The following PHF2 variants were observed in gnomAD, a reference collection of about 807,000 sequenced individuals.
PHF2 encodes PHD finger protein 2, also known as lysine-specific demethylase PHF2.
Under a neutral mutation model 120.5 loss-of-function variants are expected in PHF2, and 27 were observed. That is an observed-to-expected ratio of 0.22 (90% CI 0.17 to 0.31). PHF2 has a LOEUF of 0.31. Among genes scored for constraint, PHF2 ranks in the 10% least tolerant of loss-of-function variants. The probability of loss-of-function intolerance (pLI) is 1.00; values close to 1 mark genes in which losing one functional copy is unlikely to be tolerated. For missense variants in PHF2, 1,024 were observed against 1,434.8 expected, an observed-to-expected ratio of 0.71 and a Z score of 4.63; for synonymous variants, 568 against 592.5, an observed-to-expected ratio of 0.96 and a Z score of 0.60.
rs1340688707 is a variant in PHF2, at chr9:93,671,952, GAGT to G, written c.2349-1630_2349-1628del. 1.2e-4 allele frequency among the ~76,000 whole-genome samples: 14 copies of G among 115,966 alleles called. 1 individual carries two copies. Among genetic ancestry groups the G allele is most frequent in the Admixed American group, 9.4e-4 (11 of 11,726 alleles). 76.1% of individuals were successfully genotyped at this position (115,966 alleles called of 152,430 possible). A position where few individuals can be genotyped will look rare whatever the true frequency, so the allele number is the denominator to read the frequency against. The stretch of plus-strand genomic sequence containing the variant: ...GGTGTAGATGCAGATGTGGGTGTGG[GAGT>G]AGGGTCAGGTGTAGATGCAGATGTG... On this transcript the variant is annotated intron_variant, in intron 17 of 21. Coordinates refer to ENST00000359246, the MANE Select transcript of PHF2 (RefSeq NM_005392.4).
intron 18 of PHF2, among the ~76,000 whole-genome samples, chr9:93,674,509 G>A (rs1826871953): frequency 6.6e-6 from 1 of 152,186 alleles, no homozygotes; most frequent in African/African-American, 2.4e-5. Context: ...GCCCTAGTTT[G>A]ATTATGGGGT....
intron 1 of PHF2, among the ~76,000 whole-genome samples, chr9:93,583,725 C>T (rs78792144): frequency 0.072 from 10,887 of 152,180 alleles, 515 homozygotes; most frequent in Non-Finnish European, 0.097. Context: ...AATGTCTACT[C>T]AAGGCCTTTG....
chr9:93,587,939 C>T (rs1341597646), intron 1 of PHF2, among the ~76,000 whole-genome samples: 3 of 152,182 alleles, frequency 2.0e-5, no homozygotes, highest in African/African-American at 7.2e-5. Context: ...GTCTGTGCCA[C>T]CTGCCCACTG....
intron 3 of PHF2, among the ~76,000 whole-genome samples, chr9:93,643,088 A>G (rs944795718): frequency 6.6e-6 from 1 of 151,510 alleles, no homozygotes; most frequent in Non-Finnish European, 1.5e-5. Flanking sequence ...TGGTGTGTCT[A>G]TTGACTGACC....
intron 3 of PHF2, among the ~76,000 whole-genome samples, chr9:93,642,718 TAAGCCTCTTTA>T (rs1052314068): frequency 6.6e-6 from 1 of 152,242 alleles, no homozygotes; most frequent in African/African-American, 2.4e-5. Context: ...TAGAACCCAG[TAAGCCTCTTTA>T]ATTTGGAGAG....
In PHF2 at chr9:93,645,645, G is replaced by A. The variant is rs1291685152; in HGVS notation, c.316G>A (p.Ala106Thr). Reference sequence around the variant, plus strand: ...TCCCTGCAGTGCTGAAGACGTGGTGGCCCGTGTGCCAGGAAGTCAGCTCAC... The same window carrying A: ...TCCCTGCAGTGCTGAAGACGTGGTGACCCGTGTGCCAGGAAGTCAGCTCAC... ...RTFPSAEDVV[A>T]RVPGSQLTLG... The change falls in exon 4 of 22, where the codon GCC (alanine) becomes ACC (threonine). Residue 106 changes from alanine to threonine, a missense_variant. Physicochemically the swap from Ala to Thr is moderately conservative, Grantham distance 58 (BLOSUM62 0). Transcript: ENST00000359246. 6.2e-7 allele frequency: 1 copy of A among 1,602,734 alleles called. No individual in the cohort carries two copies. The highest frequency in any genetic ancestry group is 1.1e-5 in the South Asian group (1 of 89,836).
Position 93,649,176 on chromosome 9 carries a change from T to C in PHF2, c.566T>C (p.Val189Ala), listed in dbSNP as rs1826313532. The C allele has an allele frequency of 6.5e-7, 1 of 1,537,644 alleles. No homozygotes were observed. Residue 189 changes from valine (V) to alanine (A), a missense_variant, in exon 5 of 22, where the codon GTC (valine) becomes GCC (alanine). By Grantham distance (64) the Val-to-Ala change is moderately conservative (BLOSUM62 0). Transcript: ENST00000359246. The part of the protein sequence containing the change: ...DYYYSTNRKR[V>A]LNVTNLEFSD... ...TACTACAGCACCAACCGCAAGCGGG[T>C]CCTCAACGTCACCAACCTCGAGTTC... is the stretch of plus-strand genomic sequence containing the variant.
chr9:93,596,823 A>G (rs1487218882), intron 1 of PHF2, among the ~76,000 whole-genome samples: 1 of 151,280 alleles, frequency 6.6e-6, no homozygotes, highest in Non-Finnish European at 1.5e-5. Flanking sequence ...CAATGGTGCA[A>G]TCTTGGCTTA....
At chr9:93,637,024 G>A (rs886642981) in intron 3 of PHF2, among the ~76,000 whole-genome samples, 1 of 152,264 alleles carries the variant, frequency 6.6e-6, no homozygotes, top group African/African-American at 2.4e-5. Context: ...GGTGAGAAAG[G>A]AGCTGTTTAG....
At position 93,660,541 on chromosome 9, in the gene PHF2, A is replaced by G. The variant is rs1330741192; in HGVS notation, c.1679A>G (p.Glu560Gly). The change falls in exon 12 of 22, where the codon GAG becomes GGG. Residue 560 changes from glutamate (E) to glycine (G), a missense_variant. By Grantham distance (98) the Glu-to-Gly change is moderately conservative. This residue lies in a region of PHF2 where 677 missense variants were observed against 857.4 expected (regional missense o/e 0.79). Coordinates refer to ENST00000359246, the MANE Select transcript of PHF2 (RefSeq NM_005392.4). ...AHTKEALTKM[E>G]PPKKGKATKS... is the part of the protein sequence containing the mutation. Reference sequence around the variant, plus strand: ...ACCAAGGAGGCACTGACCAAGATGGAGCCGCCCAAGAAGGGCAAGGTGGGA... The same window carrying G: ...ACCAAGGAGGCACTGACCAAGATGGGGCCGCCCAAGAAGGGCAAGGTGGGA... 2 of 1,572,790 alleles carry G rather than the reference A, an allele frequency of 1.3e-6. No homozygotes were observed. Among genetic ancestry groups the G allele is most frequent in the Non-Finnish European group, 1.7e-6 (2 of 1,163,458 alleles).
intron 3 of PHF2, among the ~76,000 whole-genome samples, chr9:93,643,906 C>T (rs1826210400): frequency 1.3e-5 from 2 of 152,132 alleles, no homozygotes; most frequent in South Asian, 2.1e-4. Flanking sequence ...CCTGTTCCCT[C>T]CCACTTTCTC....
Position 93,676,716 on chromosome 9 carries a change from T to TACCACCCCGGCCTCC in PHF2, c.2975_2989dup (p.Thr992_Thr996dup), listed in dbSNP as rs761002352. The TACCACCCCGGCCTCC allele has an allele frequency of 4.3e-5, 22 of 515,932 alleles. No individual in the cohort carries two copies. The highest frequency in any genetic ancestry group is 1.9e-4 in the East Asian group (5 of 25,790). 32.0% of individuals were successfully genotyped at this position (515,932 alleles called of 1,614,324 possible). On this transcript the variant is annotated inframe_insertion, in exon 21 of 22. Transcript: ENST00000359246. Reference sequence around the variant, plus strand: ...CCTCCACCTCCACCACGCCAGCCTCTACCACCCCGGCCTCCACCACCCCGG... The same window carrying TACCACCCCGGCCTCC: ...CCTCCACCTCCACCACGCCAGCCTCTACCACCCCGGCCTCCACCACCCCGGCCTCCACCACCCCGG...
chr9:93,661,846 T>TGATGAATAAATGGATGGATG (rs1826573121), intron 12 of PHF2, among the ~76,000 whole-genome samples: 1 of 144,512 alleles, frequency 6.9e-6, no homozygotes, highest in South Asian at 2.2e-4. Context: ...ATGGATGGAT[T>TGATGAATAAATGGATGGATG]GATGAATAAA....
chr9:93,676,988 T>C, intron 21 of PHF2, 25 bp downstream of exon 21: 1 of 1,502,212 alleles, frequency 6.7e-7, no homozygotes, highest in Non-Finnish European at 8.9e-7. Flanking sequence ...GGAGGGAGCC[T>C]GCAGCCCCCC....
At chr9:93,626,634 C>T (rs1825919348) in intron 1 of PHF2, among the ~76,000 whole-genome samples, 1 of 152,166 alleles carries the variant, frequency 6.6e-6, no homozygotes, top group South Asian at 2.1e-4. Context: ...CTTTTGGTGT[C>T]ATATCTAGGA....
At chr9:93,596,182 C>G (rs1044539796) in intron 1 of PHF2, among the ~76,000 whole-genome samples, 1 of 152,158 alleles carries the variant, frequency 6.6e-6, no homozygotes, top group African/African-American at 2.4e-5. Flanking sequence ...GCATGATACT[C>G]TGCACAGCTG....
rs1037199497 is a variant in PHF2, at chr9:93,671,658, G to C, written c.2349-1927G>C. Among the ~76,000 whole-genome samples, 6 of 142,770 alleles carry C rather than the reference G, an allele frequency of 4.2e-5. 1 individual carries two copies. Among genetic ancestry groups the C allele is most frequent in the Non-Finnish European group, 7.8e-5 (5 of 64,218 alleles). 93.7% of individuals were successfully genotyped at this position (142,770 alleles called of 152,430 possible). A position where few individuals can be genotyped will look rare whatever the true frequency, so the allele number is the denominator to read the frequency against. On this transcript the variant is annotated intron_variant, in intron 17 of 21. Coordinates refer to ENST00000359246, the MANE Select transcript of PHF2 (RefSeq NM_005392.4). ...GGTACAGGTGTAGATGCAGTTGTGGGTGTGGATGTAGGTACAGGTGTAGAT... is the reference window on the plus strand; with the variant it reads ...GGTACAGGTGTAGATGCAGTTGTGGCTGTGGATGTAGGTACAGGTGTAGAT...
intron 9 of PHF2, among the ~76,000 whole-genome samples, chr9:93,657,228 GGTTGCTCTTA>G (rs1416149658): frequency 6.6e-6 from 1 of 152,272 alleles, no homozygotes; most frequent in Non-Finnish European, 1.5e-5. Context: ...TTCTCGGTGT[GGTTGCTCTTA>G]GTTGCTCTTT....
chr9:93,645,613 C>CTG lies in PHF2; in HGVS notation c.300-13_300-12dup, dbSNP rs754920715. 3.8e-6 allele frequency: 6 copies of CTG among 1,564,368 alleles called. No homozygotes were observed. The African/African-American group carries it at 8.1e-5, about 21-fold the overall frequency. On this transcript the variant is annotated splice_polypyrimidine_tract_variant and intron_variant, in intron 3 of 21. Coordinates refer to ENST00000359246, the MANE Select transcript of PHF2 (RefSeq NM_005392.4). ...CCTCGGGCCCAATGTGGCCTCTGAC[C>CTG]TGTGCTTCCCTGCAGTGCTGAAGAC...
Sources: gnomAD v4.1 joint callset for allele counts (sites outside exome capture counted in the v4.1 genomes callset) on GRCh38, gnomAD v4.1.1 for gene constraint, gnomAD v4.1.1 regional missense constraint, MANE v1.5 for transcripts, NCBI Gene and HGNC (gene_info 2026-07-23, HGNC 2026-07-21) for gene names.